The following CCDC192 variants were observed in gnomAD, a reference collection of about 807,000 sequenced individuals.
CCDC192 encodes coiled-coil domain-containing protein 192.
At chr5:127,816,747 G>A (rs181195581) in intron 5 of CCDC192, among the ~76,000 whole-genome samples, 239 of 152,292 alleles carry the variant, frequency 1.6e-3, no homozygotes, top group African/African-American at 5.5e-3. Flanking sequence ...CTGAGGATGC[G>A]AGGGAGGCTT....
intron 5 of CCDC192, among the ~76,000 whole-genome samples, chr5:127,828,027 C>T (rs1262273769): frequency 6.6e-6 from 1 of 152,154 alleles, no homozygotes; most frequent in African/African-American, 2.4e-5. Flanking sequence ...CTGCCTCAGC[C>T]TCCTGAGTAG....
At chr5:127,733,820 A>G (rs1580552237) in intron 2 of CCDC192, among the ~76,000 whole-genome samples, 1 of 147,886 alleles carries the variant, frequency 6.8e-6, no homozygotes, top group Non-Finnish European at 1.5e-5. Context: ...TTTTCATTTC[A>G]TTCTCATCCA....
intron 2 of CCDC192, among the ~76,000 whole-genome samples, chr5:127,736,566 T>C (rs1473083335): frequency 6.6e-6 from 1 of 151,962 alleles, no homozygotes; most frequent in Non-Finnish European, 1.5e-5. Context: ...TCCTGGACTC[T>C]TTTTGGTTGG....
At chr5:127,749,585 G>T (rs1436706644) in intron 2 of CCDC192, among the ~76,000 whole-genome samples, 5 of 151,902 alleles carry the variant, frequency 3.3e-5, no homozygotes, top group Non-Finnish European at 7.4e-5. Flanking sequence ...TTTTTTGGTT[G>T]TGTCTCTGCC....
At chr5:127,736,757 T>C (rs1453072958) in intron 2 of CCDC192, among the ~76,000 whole-genome samples, 1 of 150,860 alleles carries the variant, frequency 6.6e-6, no homozygotes, top group African/African-American at 2.5e-5. Flanking sequence ...TTTGTATTTC[T>C]GTGGGATCGG....
At chr5:127,818,650 G>C (rs1044476180) in intron 5 of CCDC192, among the ~76,000 whole-genome samples, 4 of 152,170 alleles carry the variant, frequency 2.6e-5, no homozygotes, top group African/African-American at 9.7e-5. Context: ...GCTGGAGACT[G>C]CTCCAAGAAG....
At chr5:127,900,565 T>C (rs943204374) in intron 6 of CCDC192, among the ~76,000 whole-genome samples, 1 of 152,262 alleles carries the variant, frequency 6.6e-6, no homozygotes, top group African/African-American at 2.4e-5. Flanking sequence ...GTTTTCTTTG[T>C]AATAAATTCC....
At chr5:127,824,566 A>T (rs1357384001) in intron 5 of CCDC192, among the ~76,000 whole-genome samples, 1 of 152,208 alleles carries the variant, frequency 6.6e-6, no homozygotes, top group Non-Finnish European at 1.5e-5. Context: ...CTTTCTGAGC[A>T]CTTTTTGCAT....
rs2127132858 is a variant in CCDC192 at position 127,874,842 on chromosome 5, A to G, written c.412-696A>G. 2.6e-5 allele frequency among the ~76,000 whole-genome samples: 4 copies of G among 152,328 alleles called. No individual in the cohort carries two copies. The Middle Eastern group carries it at 0.01, about 389-fold the overall frequency. On this transcript the variant is annotated intron_variant, in intron 5 of 6. Coordinates refer to ENST00000514853, the MANE Select transcript of CCDC192 (RefSeq NM_001317938.2). ...TGAATCAAATCTACTCTGAAACCCT[A>G]AAAGGAACTTTCGAGTCATGAAGTC...
At chr5:127,709,205 GAGAGAGAGAGA>G (rs1751173691) in intron 2 of CCDC192, among the ~76,000 whole-genome samples, 1 of 13,420 alleles carries the variant, frequency 7.5e-5, no homozygotes, top group East Asian at 6.6e-4. Context: ...GAGAGGGGGA[GAGAGAGAGAGA>G]GAGAGAGAGA....
intron 5 of CCDC192, among the ~76,000 whole-genome samples, chr5:127,819,709 C>T (rs896733118): frequency 2.6e-5 from 4 of 152,114 alleles, no homozygotes; most frequent in Non-Finnish European, 4.4e-5. Context: ...TTCTGAAATC[C>T]TTTCATGAAG....
chr5:127,825,984 A>T (rs2127029994), intron 5 of CCDC192, among the ~76,000 whole-genome samples: 1 of 152,332 alleles, frequency 6.6e-6, no homozygotes, highest in South Asian at 2.1e-4. Flanking sequence ...TTTTTGATTT[A>T]ATTTGTTGAG....
At chr5:127,936,929 G>A (rs1754202444) in intron 6 of CCDC192, among the ~76,000 whole-genome samples, 1 of 152,198 alleles carries the variant, frequency 6.6e-6, no homozygotes, top group African/African-American at 2.4e-5. Flanking sequence ...ACAGATGAGG[G>A]AGACTAGATG....
At chr5:127,822,924 A>G (rs1415773685) in intron 5 of CCDC192, among the ~76,000 whole-genome samples, 1 of 152,146 alleles carries the variant, frequency 6.6e-6, no homozygotes, top group Non-Finnish European at 1.5e-5. Context: ...TGTAGGCTGG[A>G]TATCTTCTTG....
At chr5:127,815,565 T>C (rs1748973696) in intron 5 of CCDC192, among the ~76,000 whole-genome samples, 1 of 151,814 alleles carries the variant, frequency 6.6e-6, no homozygotes, top group African/African-American at 2.4e-5. Context: ...GTCTAAGGAG[T>C]TTCTTTAAAG....
At chr5:127,719,113 A>C (rs368986423) in intron 2 of CCDC192, among the ~76,000 whole-genome samples, 2 of 152,050 alleles carry the variant, frequency 1.3e-5, no homozygotes, top group African/African-American at 4.8e-5. Flanking sequence ...CAATTGTTTT[A>C]ATTTTTAGCT....
chr5:127,939,421 A>G (rs1184865224), intron 6 of CCDC192, among the ~76,000 whole-genome samples: 2 of 152,072 alleles, frequency 1.3e-5, no homozygotes, highest in East Asian at 3.9e-4. Flanking sequence ...CCCACCTTCA[A>G]ACCAACATCT....
intron 5 of CCDC192, among the ~76,000 whole-genome samples, chr5:127,849,883 A>T (rs949308718): frequency 5.3e-5 from 8 of 152,258 alleles, no homozygotes; most frequent in Non-Finnish European, 1.2e-4. Context: ...AGACCTTTCA[A>T]GTCTTTAGTG....
chr5:127,727,711 T>A (rs1376110060), intron 2 of CCDC192, among the ~76,000 whole-genome samples: 1 of 152,144 alleles, frequency 6.6e-6, no homozygotes, highest in Non-Finnish European at 1.5e-5. Context: ...CTGACAGAAG[T>A]AGGCTTCAGA....
Sources: allele counts gnomAD v4.1 joint callset (sites outside exome capture counted in the v4.1 genomes callset), GRCh38; gene constraint gnomAD v4.1.1; transcripts MANE v1.5; gene names NCBI Gene and HGNC (gene_info 2026-07-23, HGNC 2026-07-21).